HDAC9: variants seen among roughly 807,000 people sequenced by gnomAD.
HDAC9 encodes histone deacetylase 9.
HDAC9 carries 41 observed loss-of-function variants against 139.4 expected under a neutral mutation model. That is an observed-to-expected ratio of 0.29 (90% CI 0.23 to 0.38). The LOEUF is 0.38. Among genes scored for constraint, HDAC9 ranks in the 10% least tolerant of loss-of-function variants. The probability of loss-of-function intolerance (pLI) is 1.00; values close to 1 mark genes in which losing one functional copy is unlikely to be tolerated. For missense variants in HDAC9, 1,147 were observed against 1,297.0 expected, an observed-to-expected ratio of 0.88 and a Z score of 1.78; for synonymous variants, 517 against 476.2, an observed-to-expected ratio of 1.09 and a Z score of -1.12.
At chr7:18,519,727 A>G (rs1804406020) in intron 2 of HDAC9, among the ~76,000 whole-genome samples, 1 of 152,164 alleles carries the variant, frequency 6.6e-6, no homozygotes, top group African/African-American at 2.4e-5. Context: ...ACACCCAACA[A>G]TCTAGTAATT....
intron 1 of HDAC9, among the ~76,000 whole-genome samples, chr7:18,111,547 T>A (rs1783621107): frequency 6.6e-6 from 1 of 152,158 alleles, no homozygotes; most frequent in Admixed American, 6.5e-5. Context: ...AAGGGTATAG[T>A]GTTTGCATAT....
chr7:18,931,224 C>T (rs140221404), intron 22 of HDAC9, among the ~76,000 whole-genome samples: 1 of 152,068 alleles, frequency 6.6e-6, no homozygotes, highest in Non-Finnish European at 1.5e-5. Context: ...AGGGAAAGAA[C>T]ATTTCTAAGC....
chr7:18,987,799 A>G (rs966984913), intron 25 of HDAC9, among the ~76,000 whole-genome samples: 1 of 151,740 alleles, frequency 6.6e-6, no homozygotes, highest in African/African-American at 2.4e-5. Context: ...GTCTTGGGAG[A>G]GTGTATGTGT....
At chr7:18,624,973 A>G (rs1032623897) in intron 6 of HDAC9, among the ~76,000 whole-genome samples, 2 of 151,970 alleles carry the variant, frequency 1.3e-5, no homozygotes, top group African/African-American at 4.8e-5. Context: ...TATACTGTAT[A>G]TTTTGTTAAC....
chr7:18,894,144 A>T (rs1800953612), intron 22 of HDAC9, among the ~76,000 whole-genome samples: 1 of 152,198 alleles, frequency 6.6e-6, no homozygotes, highest in Non-Finnish European at 1.5e-5. Context: ...GGCACCAGAG[A>T]GGAATGAGTG....
intron 1 of HDAC9, among the ~76,000 whole-genome samples, chr7:18,478,018 A>G (rs955146571): frequency 1.3e-5 from 2 of 152,184 alleles, no homozygotes; most frequent in Admixed American, 1.3e-4. Flanking sequence ...GTAAACAGAC[A>G]TGAATGATTC....
At chr7:18,385,726 C>G (rs1479070798) in intron 1 of HDAC9, among the ~76,000 whole-genome samples, 5 of 152,160 alleles carry the variant, frequency 3.3e-5, no homozygotes, top group Non-Finnish European at 1.5e-5. Flanking sequence ...ATAGTGACCA[C>G]TTTATTGCAA....
At chr7:18,566,514 C>T (rs1664408508) in intron 2 of HDAC9, among the ~76,000 whole-genome samples, 1 of 152,168 alleles carries the variant, frequency 6.6e-6, no homozygotes, top group African/African-American at 2.4e-5. Context: ...GTAAATCACA[C>T]ACACATACAC....
At chr7:18,725,962 C>T (rs1785514464) in intron 12 of HDAC9, among the ~76,000 whole-genome samples, 1 of 152,100 alleles carries the variant, frequency 6.6e-6, no homozygotes, top group Non-Finnish European at 1.5e-5. Flanking sequence ...TGAAATATAC[C>T]TTCCAATTGA....
At chr7:18,111,044 A>T (rs533085985) in intron 1 of HDAC9, among the ~76,000 whole-genome samples, 9 of 152,304 alleles carry the variant, frequency 5.9e-5, no homozygotes, top group African/African-American at 1.7e-4. Context: ...TTGTATTTTC[A>T]TCAGTTCCTA....
chr7:18,682,433 A>T (rs1419290909), intron 12 of HDAC9, among the ~76,000 whole-genome samples: 1 of 151,982 alleles, frequency 6.6e-6, no homozygotes, highest in East Asian at 1.9e-4. Flanking sequence ...CTGAGGGTAC[A>T]CACATGCCTA....
In HDAC9 at chr7:18,271,368, T is replaced by C. The variant is rs1278547275; in HGVS notation, c.25+109019T>C. On this transcript the variant is annotated intron_variant, in intron 2 of 12. Coordinates refer to the HDAC9 transcript ENST00000417496. Reference sequence around the variant, plus strand: ...CCAGCTGTCTTGCCTAAGCACACATTAGATACATACATTTTAGAAGGATCC... The same window carrying C: ...CCAGCTGTCTTGCCTAAGCACACATCAGATACATACATTTTAGAAGGATCC... Among the ~76,000 whole-genome samples the C allele has an allele frequency of 2.6e-5, 4 of 152,302 alleles. No homozygotes were observed. In the East Asian group the frequency reaches 7.7e-4, roughly 29 times the overall value.
intron 2 of HDAC9, among the ~76,000 whole-genome samples, chr7:18,198,986 A>G (rs896942546): frequency 6.6e-5 from 10 of 152,170 alleles, no homozygotes; most frequent in African/African-American, 2.4e-4. Flanking sequence ...TCCATGACCA[A>G]TCTTTGTCAT....
chr7:18,527,771 G>C lies in HDAC9; in HGVS notation c.22+31447G>C, dbSNP rs866399145. Among the ~76,000 whole-genome samples the C allele has an allele frequency of 3.3e-5, 5 of 151,858 alleles. No homozygotes were observed. The South Asian group carries it at 1.0e-3, about 31-fold the overall frequency. Reference sequence around the variant, plus strand: ...AAAAATTGTATTATTATTTTTTCTAGTTTCAAATCTACCAGAATGTTTATC... The same window carrying C: ...AAAAATTGTATTATTATTTTTTCTACTTTCAAATCTACCAGAATGTTTATC... On this transcript the variant is annotated intron_variant, in intron 2 of 25. Transcript: ENST00000686413.
intron 2 of HDAC9, among the ~76,000 whole-genome samples, chr7:18,263,512 G>C (rs929741038): frequency 2.6e-5 from 4 of 152,112 alleles, no homozygotes; most frequent in Admixed American, 6.6e-5. Context: ...AACTGCCTGA[G>C]CTCATATGCC....
chr7:18,495,734 A>G, upstream of HDAC9: 1 of 988,700 alleles, frequency 1.0e-6, no homozygotes, highest in Non-Finnish European at 1.2e-6. Flanking sequence ...GAGCTGAGAG[A>G]GACTGAGAAA....
At chr7:18,210,101 A>G (rs1343302000) in intron 2 of HDAC9, among the ~76,000 whole-genome samples, 1 of 152,148 alleles carries the variant, frequency 6.6e-6, no homozygotes, top group African/African-American at 2.4e-5. Flanking sequence ...TTTGTCTGAA[A>G]TAATAAAGAA....
chr7:18,388,346 G>C (rs1418852086), intron 1 of HDAC9, among the ~76,000 whole-genome samples: 1 of 152,204 alleles, frequency 6.6e-6, no homozygotes, highest in Non-Finnish European at 1.5e-5. Context: ...TCCACAGTGA[G>C]GGCTGTGTAG....
chr7:18,954,455 A>G, intron 24 of HDAC9: 1 of 438,400 alleles, frequency 2.3e-6, no homozygotes, highest in Non-Finnish European at 4.0e-6. Context: ...CATGTATTTC[A>G]GGTATTTGGA....
Sources: gnomAD v4.1 joint callset for allele counts (sites outside exome capture counted in the v4.1 genomes callset) on GRCh38, gnomAD v4.1.1 for gene constraint, MANE v1.5 for transcripts, NCBI Gene and HGNC (gene_info 2026-07-23, HGNC 2026-07-21) for gene names.